Variants in VAPB observed in about 807,000 individuals in gnomAD.
VAPB encodes VAMP associated protein B and C, also known as vesicle-associated membrane protein-associated protein B/C.
VAPB carries 7 observed loss-of-function variants against 25.6 expected under a neutral mutation model. That is an observed-to-expected ratio of 0.27 (90% CI 0.16 to 0.51). The LOEUF (loss-of-function observed/expected upper bound fraction) is 0.51, where lower values mean the gene tolerates loss of function less well. Ranked by LOEUF, VAPB falls within the 20% of genes least tolerant of loss-of-function variation. The pLI is 0.97. For synonymous variants in VAPB, 112 were observed against 109.2 expected (o/e 1.03, Z -0.16); for missense variants, 266 against 301.3 (o/e 0.88, Z 0.87).
chr20:58,403,786 T>A (rs1273582480), intron 1 of VAPB, among the ~76,000 whole-genome samples: 1 of 152,266 alleles, frequency 6.6e-6, no homozygotes, highest in Non-Finnish European at 1.5e-5. Context: ...GTCTATCTGG[T>A]TGTCATGAGA....
chr20:58,414,656 C>G (rs3960937), intron 1 of VAPB, among the ~76,000 whole-genome samples: 6,160 of 151,666 alleles, frequency 0.041, 187 homozygotes, highest in African/African-American at 0.11. Context: ...TCCTCACTTC[C>G]TAGATGTGAT....
chr20:58,440,889 T>C lies in VAPB; in HGVS notation c.397-18T>C, dbSNP rs980844441. On this transcript the variant is annotated intron_variant, in intron 4 of 5. Coordinates refer to ENST00000475243, the MANE Select transcript of VAPB (RefSeq NM_004738.5). ...TACATGGTCGGTGACACTTAGGCTT[T>C]CATTTGTTTTTGAACAGCATGATGT... 1.9e-6 allele frequency: 3 copies of C among 1,611,130 alleles called. No individual in the cohort carries two copies. The highest frequency in any genetic ancestry group is 2.5e-6 in the Non-Finnish European group (3 of 1,178,476).
chr20:58,418,367 A>G lies in VAPB; in HGVS notation c.211+4A>G. 1 of 1,614,048 alleles carries G rather than the reference A, an allele frequency of 6.2e-7. No individual in the cohort carries two copies. Among genetic ancestry groups the G allele is most frequent in the Non-Finnish European group, 8.5e-7 (1 of 1,179,986 alleles). ...GGGGCCTCAATTAATGTATCTGGTA[A>G]GTCCTGAGACTGGAGGCCTAGAGGG... is the stretch of plus-strand genomic sequence containing the variant. On this transcript the variant is annotated splice_donor_region_variant and intron_variant, in intron 2 of 5. Coordinates refer to ENST00000475243, the MANE Select transcript of VAPB (RefSeq NM_004738.5).
intron 1 of VAPB, among the ~76,000 whole-genome samples, chr20:58,397,709 C>T (rs1987997740): frequency 6.6e-6 from 1 of 152,110 alleles, no homozygotes. Flanking sequence ...TGATCTTTAG[C>T]AGTGCCACCT....
Position 58,412,576 on chromosome 20 carries a change from C to CAAAAAA in VAPB, c.59-5626_59-5621dup, listed in dbSNP as rs375713162. 9.9e-5 allele frequency among the ~76,000 whole-genome samples: 9 copies of CAAAAAA among 90,786 alleles called. 1 individual carries two copies. Among genetic ancestry groups the CAAAAAA allele is most frequent in the African/African-American group, 2.3e-4 (5 of 21,764 alleles). The allele number at this position is 90,786 out of a possible 152,430, so 59.6% of individuals were successfully genotyped here. ...TGGGTGACAGAGTGAGACTCTGTCT[C>CAAAAAA]AAAAAAAAAAAAAAGGTAAAATTAT... On this transcript the variant is annotated intron_variant, in intron 1 of 5. Coordinates refer to ENST00000475243, the MANE Select transcript of VAPB (RefSeq NM_004738.5).
At chr20:58,407,547 T>C (rs1988260689) in intron 1 of VAPB, among the ~76,000 whole-genome samples, 1 of 152,214 alleles carries the variant, frequency 6.6e-6, no homozygotes, top group African/African-American at 2.4e-5. Flanking sequence ...ATGTTAATAA[T>C]TTGTTAGAAG....
chr20:58,425,627 A>T (rs148786613), intron 2 of VAPB, among the ~76,000 whole-genome samples: 1 of 152,328 alleles, frequency 6.6e-6, no homozygotes, highest in African/African-American at 2.4e-5. Flanking sequence ...GTGGTATGAA[A>T]TGGTGTTTCA....
intron 1 of VAPB, among the ~76,000 whole-genome samples, chr20:58,396,396 G>A (rs1170904787): frequency 6.6e-6 from 1 of 152,232 alleles, no homozygotes; most frequent in Non-Finnish European, 1.5e-5. Context: ...CTGGGAAGTG[G>A]AGACTAGGGC....
At chr20:58,398,648 C>CACAGGGAAG (rs1454811868) in intron 1 of VAPB, among the ~76,000 whole-genome samples, 4 of 152,198 alleles carry the variant, frequency 2.6e-5, no homozygotes, top group Non-Finnish European at 5.9e-5. Flanking sequence ...TGTTCGATCT[C>CACAGGGAAG]ACAGGGAAGA....
intron 1 of VAPB, among the ~76,000 whole-genome samples, chr20:58,389,941 A>G (rs577259247): frequency 6.6e-6 from 1 of 152,292 alleles, no homozygotes; most frequent in East Asian, 1.9e-4. Flanking sequence ...CCACCCAGCC[A>G]CCGTGCACAC....
chr20:58,422,196 C>G (rs963055163), intron 2 of VAPB, among the ~76,000 whole-genome samples: 3 of 152,070 alleles, frequency 2.0e-5, no homozygotes, highest in Non-Finnish European at 4.4e-5. Context: ...TTATTGTAGC[C>G]CCTTCTGAGG....
rs1988594751 is a variant in VAPB at position 58,418,322 on chromosome 20, A to G, written c.170A>G (p.Asn57Ser). Reference sequence around the variant, plus strand: ...CCACGTAGGTACTGTGTGAGGCCCAACAGCGGAATCATCGATGCAGGGGCC... The same window carrying G: ...CCACGTAGGTACTGTGTGAGGCCCAGCAGCGGAATCATCGATGCAGGGGCC... ...TAPRRYCVRP[N>S]SGIIDAGASI... The change falls in exon 2 of 6, where the codon AAC becomes AGC. Residue 57 changes from asparagine (N) to serine (S), a missense_variant. By Grantham distance (46) the Asn-to-Ser change is conservative. Transcript: ENST00000475243. 6.2e-7 allele frequency: 1 copy of G among 1,614,094 alleles called. No individual in the cohort carries two copies. Among genetic ancestry groups the G allele is most frequent in the South Asian group, 1.1e-5 (1 of 91,088 alleles).
intron 1 of VAPB, among the ~76,000 whole-genome samples, chr20:58,415,150 G>C (rs527242345): frequency 6.6e-6 from 1 of 152,360 alleles, no homozygotes; most frequent in South Asian, 2.1e-4. Flanking sequence ...CCCTCTTACT[G>C]TCTTACTCTT....
At chr20:58,400,278 C>T (rs1988065171) in intron 1 of VAPB, among the ~76,000 whole-genome samples, 1 of 152,134 alleles carries the variant, frequency 6.6e-6, no homozygotes, top group Admixed American at 6.5e-5. Context: ...CCTTCCAGCT[C>T]TAAGCTTGAG....
chr20:58,414,706 T>A (rs1304039225), intron 1 of VAPB, among the ~76,000 whole-genome samples: 1 of 148,786 alleles, frequency 6.7e-6, no homozygotes, highest in Non-Finnish European at 1.5e-5. Context: ...CTAGATGGGA[T>A]GGCGGCCGGT....
At chr20:58,435,129 A>G (rs1989013540) in intron 3 of VAPB, among the ~76,000 whole-genome samples, 1 of 152,114 alleles carries the variant, frequency 6.6e-6, no homozygotes. Flanking sequence ...GAATGTCCTC[A>G]CCCATTTAGA....
chr20:58,391,169 T>C (rs1187084775), intron 1 of VAPB, among the ~76,000 whole-genome samples: 1 of 152,204 alleles, frequency 6.6e-6, no homozygotes, highest in African/African-American at 2.4e-5. Flanking sequence ...CTCCTGATAA[T>C]TGGTGGGTTC....
rs1012884032 is a variant in VAPB, at chr20:58,446,257, G to C, written c.*2022G>C. ...GGGAGTGAAAAGACCGAGCTGTAAG[G>C]CATGTGCCTTCTGCCACCTGACTTT... On this transcript the variant is annotated 3_prime_UTR_variant, in exon 6 of 6. Transcript: ENST00000475243. 2.2e-6 allele frequency: 1 copy of C among 454,064 alleles called. No homozygotes were observed. The highest frequency in any genetic ancestry group is 6.9e-5 in the East Asian group (1 of 14,392). 28.1% of individuals were successfully genotyped at this position (454,064 alleles called of 1,614,324 possible).
At chr20:58,442,484 A>G (rs1245157686) in intron 5 of VAPB, among the ~76,000 whole-genome samples, 1 of 152,184 alleles carries the variant, frequency 6.6e-6, no homozygotes, top group Admixed American at 6.5e-5. Context: ...GTCGGACACC[A>G]CCAGTTGTTT....
Sources: gnomAD v4.1 joint callset for allele counts (sites outside exome capture counted in the v4.1 genomes callset) on GRCh38, gnomAD v4.1.1 for gene constraint, MANE v1.5 for transcripts, NCBI Gene and HGNC (gene_info 2026-07-23, HGNC 2026-07-21) for gene names.